Variants in TULP4 observed in about 807,000 individuals in gnomAD.
TULP4 encodes tubby-related protein 4.
Under a neutral mutation model 129.0 loss-of-function variants are expected in TULP4, and 16 were observed. The ratio of observed to expected loss-of-function variants is 0.12; its 90% CI spans 0.08 to 0.19. TULP4 has a LOEUF of 0.19. Ranked by LOEUF, TULP4 falls within the 10% of genes least tolerant of loss-of-function variation. The pLI is 1.00. For synonymous variants in TULP4, 998 were observed against 854.0 expected (o/e 1.17, Z -2.94); for missense variants, 1,842 against 2,059.1 (o/e 0.89, Z 2.04).
chr6:158,321,105 T>C (rs868767905), intron 1 of TULP4, among the ~76,000 whole-genome samples: 1 of 152,216 alleles, frequency 6.6e-6, no homozygotes, highest in African/African-American at 2.4e-5. Flanking sequence ...TCTTTCCTTA[T>C]TCTACTGAAA....
intron 1 of TULP4, among the ~76,000 whole-genome samples, chr6:158,387,824 G>A (rs1292267871): frequency 6.6e-6 from 1 of 152,184 alleles, no homozygotes; most frequent in Non-Finnish European, 1.5e-5. Flanking sequence ...GGAAATGGAA[G>A]CTAAGTAGTG....
intron 1 of TULP4, among the ~76,000 whole-genome samples, chr6:158,269,378 TG>T (rs1383520381): frequency 3.6e-5 from 4 of 111,252 alleles, no homozygotes; most frequent in African/African-American, 1.2e-4. Flanking sequence ...TTTCAGCATT[TG>T]TAAAAAAAAA....
intron 1 of TULP4, among the ~76,000 whole-genome samples, chr6:158,365,954 G>A (rs2114855689): frequency 8.0e-6 from 1 of 125,726 alleles, no homozygotes; most frequent in Non-Finnish European, 1.6e-5. Flanking sequence ...CCAGTCTGGA[G>A]TGCAGTGGCG....
intron 1 of TULP4, among the ~76,000 whole-genome samples, chr6:158,341,045 A>G (rs1780169618): frequency 6.6e-6 from 1 of 151,896 alleles, no homozygotes; most frequent in Non-Finnish European, 1.5e-5. Flanking sequence ...ATCTGACTGT[A>G]TTTTTATGCC....
intron 1 of TULP4, among the ~76,000 whole-genome samples, chr6:158,353,420 C>T (rs186685224): frequency 3.9e-5 from 6 of 152,214 alleles, no homozygotes; most frequent in Admixed American, 3.9e-4. Flanking sequence ...GATTGCTTTG[C>T]AATTTTATTT....
chr6:158,439,700 CTTTTTTTTTTTTTTTT>C (rs71030170), intron 3 of TULP4, among the ~76,000 whole-genome samples: 7 of 68,248 alleles, frequency 1.0e-4, no homozygotes, highest in African/African-American at 1.8e-4. Context: ...ACTAGAGTTT[CTTTTTTTTTTTTTTTT>C]TTTTTTTTTT....
rs572841696 is a variant in TULP4 at position 158,242,846 on chromosome 6, G to A, written n.68+10543G>A. Reference sequence around the variant, plus strand: ...GTCGCCCAGGCTGGAGTGCAGTGGCGCAATCTTGGCTCACTGCAACCTTCG... The same window carrying A: ...GTCGCCCAGGCTGGAGTGCAGTGGCACAATCTTGGCTCACTGCAACCTTCG... On this transcript the variant is annotated intron_variant and non_coding_transcript_variant, in intron 1 of 1. Coordinates refer to the TULP4 transcript ENST00000620026. The A allele has an allele frequency of 6.4e-5, 14 of 217,260 alleles. No homozygotes were observed. The East Asian group carries it at 8.1e-4, about 13-fold the overall frequency. The allele number at this position is 217,260 out of a possible 1,614,324, so 13.5% of individuals were successfully genotyped here.
At chr6:158,349,872 C>A (rs546947166) in intron 1 of TULP4, among the ~76,000 whole-genome samples, 3 of 120,816 alleles carry the variant, frequency 2.5e-5, no homozygotes, top group Non-Finnish European at 5.1e-5. Flanking sequence ...ACGGGGCGGC[C>A]GGGCAGAGAC....
rs778863128 is a variant in TULP4 at position 158,503,340 on chromosome 6, T to C, written c.3677T>C (p.Val1226Ala). The change falls in exon 13 of 14, where the codon GTC becomes GCC. Residue 1226 changes from valine to alanine, a missense_variant. This residue lies in a region of TULP4 where 1,089 missense variants were observed against 987.1 expected (regional missense o/e 1.10). Transcript: ENST00000367097. The surrounding 1 kb of genome is among the most constrained non-coding windows in gnomAD (Gnocchi z 4.3). ...TTTGCACAACAGGAGCCTGCTGTGG[T>C]CCTTCAGCCGCTGTACCCACCCAGC... ...TQFAQQEPAV[V>A]LQPLYPPSLS... The C allele has an allele frequency of 2.2e-5, 36 of 1,613,586 alleles. No individual in the cohort carries two copies. The highest frequency in any genetic ancestry group is 6.6e-5 in the South Asian group (6 of 91,064).
chr6:158,269,314 T>C (rs994332088), intron 1 of TULP4, among the ~76,000 whole-genome samples: 7 of 151,676 alleles, frequency 4.6e-5, no homozygotes, highest in Non-Finnish European at 7.4e-5. Flanking sequence ...CTAAGCTATG[T>C]CACTAATAGC....
Position 158,239,153 on chromosome 6 carries a change from TCCCGGACGAGGCGG to T in TULP4, n.68+6852_68+6865del, listed in dbSNP as rs1398379174. Among the ~76,000 whole-genome samples, 36 of 108,228 alleles carry T rather than the reference TCCCGGACGAGGCGG, an allele frequency of 3.3e-4. 1 individual carries two copies. The highest frequency in any genetic ancestry group is 1.1e-3 in the African/African-American group (34 of 30,738). 71.0% of individuals were successfully genotyped at this position (108,228 alleles called of 152,430 possible). On this transcript the variant is annotated intron_variant and non_coding_transcript_variant, in intron 1 of 1. Transcript: ENST00000620026. ...CGGCCGGGCAGAGGCGCCCCTCACC[TCCCGGACGAGGCGG>T]CTGGCCGGGCGGGGGGCTGACCCCC... is the stretch of plus-strand genomic sequence containing the variant.
chr6:158,325,355 C>T (rs372476246), intron 1 of TULP4, among the ~76,000 whole-genome samples: 213 of 139,452 alleles, frequency 1.5e-3, no homozygotes, highest in Middle Eastern at 0.011. Context: ...AACAGCTTTT[C>T]TTTTTTTTTT....
chr6:158,278,046 G>A (rs1244022621), upstream of TULP4, among the ~76,000 whole-genome samples: 1 of 152,196 alleles, frequency 6.6e-6, no homozygotes, highest in Non-Finnish European at 1.5e-5. Flanking sequence ...GGTTCTCTCA[G>A]CATAGGTGGA....
At chr6:158,257,009 C>A (rs1241266591) in intron 1 of TULP4, among the ~76,000 whole-genome samples, 1 of 152,148 alleles carries the variant, frequency 6.6e-6, no homozygotes, top group African/African-American at 2.4e-5. Flanking sequence ...GCAGTGATTT[C>A]TGAGGAGTGA....
At position 158,486,291 on chromosome 6, in the gene TULP4, A is replaced by G. The variant is rs181466412; in HGVS notation, c.1487-3297A>G. ...CAGTTGGCCTTATAAGAAGACAAGG[A>G]CTAACTAACGCCTGTGATCCCAGTG... is the stretch of plus-strand genomic sequence containing the variant. On this transcript the variant is annotated intron_variant, in intron 8 of 13. Transcript: ENST00000367097. Among the ~76,000 whole-genome samples the G allele has an allele frequency of 2.6e-5, 4 of 152,282 alleles. No homozygotes were observed. The East Asian group carries it at 7.7e-4, about 29-fold the overall frequency.
At chr6:158,339,579 A>G (rs1010105825) in intron 1 of TULP4, among the ~76,000 whole-genome samples, 1 of 152,188 alleles carries the variant, frequency 6.6e-6, no homozygotes, top group Non-Finnish European at 1.5e-5. Context: ...CACCCTGGGA[A>G]TGCATTCTTT....
upstream of TULP4, chr6:158,310,362 CCAGG>C (rs1779322825): frequency 6.7e-6 from 1 of 148,684 alleles, no homozygotes; most frequent in Non-Finnish European, 1.5e-5. Context: ...TCTCTTTCGC[CCAGG>C]CTGGAGTGCA....
At chr6:158,487,196 CT>C (rs1158112696) in intron 8 of TULP4, among the ~76,000 whole-genome samples, 1 of 151,806 alleles carries the variant, frequency 6.6e-6, no homozygotes. Context: ...GAGATGGAGG[CT>C]GCAGTGAGCC....
intron 1 of TULP4, among the ~76,000 whole-genome samples, chr6:158,396,953 G>A (rs948665588): frequency 6.6e-6 from 1 of 152,198 alleles, no homozygotes; most frequent in South Asian, 2.1e-4. Flanking sequence ...ATTAACTAGG[G>A]ATGTGGGGAA....
Sources: allele counts gnomAD v4.1 joint callset (sites outside exome capture counted in the v4.1 genomes callset), GRCh38; gene constraint gnomAD v4.1.1; regional missense constraint gnomAD v4.1.1; non-coding constraint Gnocchi (gnomAD v3.1); transcripts MANE v1.5; gene names NCBI Gene and HGNC (gene_info 2026-07-23, HGNC 2026-07-21).